The following TGIF2 variants were observed in gnomAD, a reference collection of about 807,000 sequenced individuals.
TGIF2 encodes the protein homeobox protein TGIF2.
Under a neutral mutation model 15.1 loss-of-function variants are expected in TGIF2, and 5 were observed. The observed-to-expected ratio is 0.33, with a 90% CI of 0.17 to 0.70. The LOEUF (loss-of-function observed/expected upper bound fraction) is 0.70. Ranked by LOEUF, TGIF2 falls within the 30% of genes least tolerant of loss-of-function variation. TGIF2 has a pLI of 0.67. For missense variants in TGIF2, 264 were observed against 302.5 expected, an observed-to-expected ratio of 0.87 and a Z score of 0.94; for synonymous variants, 131 against 128.9, an observed-to-expected ratio of 1.02 and a Z score of -0.11.
At chr20:36,585,015 G>A (rs773578334) in intron 2 of TGIF2, among the ~76,000 whole-genome samples, 17 of 151,980 alleles carry the variant, frequency 1.1e-4, no homozygotes, top group Non-Finnish European at 2.2e-4. Context: ...TGACCAACAC[G>A]GAGAAACCCC....
At chr20:36,581,298 A>G (rs938057856) in intron 2 of TGIF2, among the ~76,000 whole-genome samples, 3 of 152,170 alleles carry the variant, frequency 2.0e-5, no homozygotes, top group Admixed American at 2.0e-4. Context: ...GGGATCTGAG[A>G]GAGGCTCCAG....
Position 36,573,616 on chromosome 20 carries a change from A to T in TGIF2, c.-164A>T, listed in dbSNP as rs1437195451. ...GACGTCAGGCCGCGAGGTGCTTTCCAGCCGCGAGCTGTCAGGCCGAGTGTC... is the reference window on the plus strand; with the variant it reads ...GACGTCAGGCCGCGAGGTGCTTTCCTGCCGCGAGCTGTCAGGCCGAGTGTC... On this transcript the variant is annotated 5_prime_UTR_variant, in exon 1 of 3. Transcript: ENST00000373872. 1 of 150,294 alleles carries T rather than the reference A, an allele frequency of 6.7e-6. No individual in the cohort carries two copies. The highest frequency in any genetic ancestry group is 2.4e-5 in the African/African-American group (1 of 40,842). The allele number at this position is 150,294 out of a possible 1,614,324, so 9.3% of individuals were successfully genotyped here.
At chr20:36,576,607 T>C (rs976979834) in intron 1 of TGIF2, among the ~76,000 whole-genome samples, 1 of 152,110 alleles carries the variant, frequency 6.6e-6, no homozygotes, top group African/African-American at 2.4e-5. Context: ...TACAGCTTTA[T>C]TGAGATATAA....
intron 2 of TGIF2, among the ~76,000 whole-genome samples, chr20:36,586,601 A>G (rs983493447): frequency 6.6e-6 from 1 of 151,994 alleles, no homozygotes; most frequent in Admixed American, 6.6e-5. Flanking sequence ...AGGCTGAGGC[A>G]GGAGAACTGC....
intron 1 of TGIF2, among the ~76,000 whole-genome samples, chr20:36,577,205 TTTTTC>T (rs2038448198): frequency 6.6e-6 from 1 of 151,650 alleles, no homozygotes; most frequent in Non-Finnish European, 1.5e-5. Context: ...TTTTTTTATT[TTTTTC>T]TTTTGTTGAG....
In TGIF2 at chr20:36,593,646, A is replaced by G. The variant is rs2038804022; in HGVS notation, c.*2215A>G. On this transcript the variant is annotated 3_prime_UTR_variant, in exon 3 of 3. Transcript: ENST00000373872. ...TGTCAGTGAGCCCAGGTCTGGTGCA[A>G]CTGCTGCAGGATGCCTGTAGTAGGG... 6.6e-6 allele frequency: 1 copy of G among 152,660 alleles called. No individual in the cohort carries two copies. Among genetic ancestry groups the G allele is most frequent in the African/African-American group, 2.4e-5 (1 of 41,416 alleles). 9.5% of individuals were successfully genotyped at this position (152,660 alleles called of 1,614,324 possible).
chr20:36,589,201 T>C (rs1262167471), intron 2 of TGIF2, among the ~76,000 whole-genome samples: 1 of 152,200 alleles, frequency 6.6e-6, no homozygotes, highest in African/African-American at 2.4e-5. Context: ...TTGGTGGTTA[T>C]TCACCTAATG....
At chr20:36,586,600 CAGG>C (rs1440223529) in intron 2 of TGIF2, among the ~76,000 whole-genome samples, 2 of 151,752 alleles carry the variant, frequency 1.3e-5, no homozygotes, top group Non-Finnish European at 2.9e-5. Flanking sequence ...GAGGCTGAGG[CAGG>C]AGAACTGCTT....
intron 2 of TGIF2, among the ~76,000 whole-genome samples, chr20:36,582,871 A>T (rs1439119344): frequency 2.0e-5 from 3 of 152,214 alleles, no homozygotes; most frequent in African/African-American, 7.2e-5. Context: ...TCATTTGGTC[A>T]ATTACCAGCT....
chr20:36,582,053 T>TGGTGAAA (rs2038557291), intron 2 of TGIF2, among the ~76,000 whole-genome samples: 2 of 152,042 alleles, frequency 1.3e-5, no homozygotes, highest in Non-Finnish European at 2.9e-5. Context: ...CTGACCAACA[T>TGGTGAAA]GGTGAAACCC....
intron 1 of TGIF2, among the ~76,000 whole-genome samples, chr20:36,576,577 G>A (rs2038433558): frequency 6.6e-6 from 1 of 152,068 alleles, no homozygotes; most frequent in Non-Finnish European, 1.5e-5. Context: ...TCCTAACCTG[G>A]GGGTGGGATT....
rs2038793236 is a variant in TGIF2 at position 36,592,954 on chromosome 20, G to A, written c.*1523G>A. The A allele has an allele frequency of 6.6e-6, 1 of 152,410 alleles. No individual in the cohort carries two copies. The highest frequency in any genetic ancestry group is 1.5e-5 in the Non-Finnish European group (1 of 68,120). 9.4% of individuals were successfully genotyped at this position (152,410 alleles called of 1,614,324 possible). A position where few individuals can be genotyped will look rare whatever the true frequency, so the allele number is the denominator to read the frequency against. The stretch of plus-strand genomic sequence containing the variant: ...TTGCCTCAGCCTCCCGAGTAGCTGG[G>A]ATTATAGGCACCCGCCACCATGTCT... On this transcript the variant is annotated 3_prime_UTR_variant, in exon 3 of 3. Coordinates refer to ENST00000373872, the MANE Select transcript of TGIF2 (RefSeq NM_021809.7).
In TGIF2 at chr20:36,577,522, T is replaced by C. The variant is rs192984266; in HGVS notation, c.-34-1219T>C. Among the ~76,000 whole-genome samples the C allele has an allele frequency of 2.7e-5, 4 of 146,726 alleles. No homozygotes were observed. The South Asian group carries it at 8.6e-4, about 32-fold the overall frequency. On this transcript the variant is annotated intron_variant, in intron 1 of 2. Transcript: ENST00000373872. ...CACCGTGTCCGGCCTTTGTTTGTTT[T>C]TGTTTTTTTTTTTTTGAGATGGAGT...
At chr20:36,575,244 T>TC (rs1465522484) in intron 1 of TGIF2, among the ~76,000 whole-genome samples, 1 of 151,720 alleles carries the variant, frequency 6.6e-6, no homozygotes, top group Admixed American at 6.6e-5. Context: ...CGCTGTTGGT[T>TC]AATTGCCTGG....
chr20:36,587,492 G>A (rs2038683787), intron 2 of TGIF2, among the ~76,000 whole-genome samples: 1 of 151,964 alleles, frequency 6.6e-6, no homozygotes, highest in South Asian at 2.1e-4. Flanking sequence ...AGGTGGAGAG[G>A]GGCAGTGTAC....
At chr20:36,580,813 CAAAAAAAAAAAAAAAAA>C (rs71184101) in intron 2 of TGIF2, among the ~76,000 whole-genome samples, 1 of 45,928 alleles carries the variant, frequency 2.2e-5, no homozygotes, top group Non-Finnish European at 3.8e-5. Context: ...GACATTGTCT[CAAAAAAAAAAAAAAAAA>C]AAAAAAAAAC....
At chr20:36,577,117 A>C (rs1189975201) in intron 1 of TGIF2, among the ~76,000 whole-genome samples, 1 of 152,032 alleles carries the variant, frequency 6.6e-6, no homozygotes, top group Non-Finnish European at 1.5e-5. Context: ...GGTTCAAGGG[A>C]TCCTCTCACC....
At chr20:36,581,059 G>A (rs1049131532) in intron 2 of TGIF2, among the ~76,000 whole-genome samples, 3 of 151,878 alleles carry the variant, frequency 2.0e-5, no homozygotes, top group African/African-American at 7.3e-5. Context: ...CCTGGGAGGC[G>A]GAGGTTGCGG....
intron 2 of TGIF2, among the ~76,000 whole-genome samples, chr20:36,585,758 G>A (rs538268957): frequency 1.3e-5 from 2 of 152,264 alleles, no homozygotes; most frequent in Non-Finnish European, 2.9e-5. Flanking sequence ...CATCCTCTAA[G>A]CCCAATTTAT....
Sources: allele counts gnomAD v4.1 joint callset (sites outside exome capture counted in the v4.1 genomes callset), GRCh38; gene constraint gnomAD v4.1.1; transcripts MANE v1.5; gene names NCBI Gene and HGNC (gene_info 2026-07-23, HGNC 2026-07-21).